ISCU: variants seen among roughly 807,000 people sequenced by gnomAD.
ISCU encodes the protein iron-sulfur cluster assembly enzyme ISCU.
ISCU carries 13 observed loss-of-function variants against 18.4 expected under a neutral mutation model. That is an observed-to-expected ratio of 0.71 (90% CI 0.46 to 1.12). The LOEUF (loss-of-function observed/expected upper bound fraction) is 1.12. Among genes scored for constraint, ISCU ranks in the 50% most tolerant of loss-of-function variants. The pLI, the probability that ISCU is intolerant of heterozygous loss-of-function variation, is 0.00. For synonymous variants in ISCU, 104 were observed against 87.5 expected (o/e 1.19, Z -1.06); for missense variants, 229 against 208.7 (o/e 1.10, Z -0.60).
chr12:108,562,609 C>G lies in ISCU; in HGVS notation c.-14C>G. 1 of 1,425,750 alleles carries G rather than the reference C, an allele frequency of 7.0e-7. No individual in the cohort carries two copies. 88.3% of individuals were successfully genotyped at this position (1,425,750 alleles called of 1,614,324 possible). The stretch of plus-strand genomic sequence containing the variant: ...CGGCGTCGCTCTGGACTGGCGCAGG[C>G]GCAAGCCGGCAAGATGGCGGCGGCT... On this transcript the variant is annotated 5_prime_UTR_variant, in exon 1 of 5. Transcript: ENST00000311893.
chr12:108,562,642 T>TGG lies in ISCU; in HGVS notation c.20_21insGG (p.Phe7LeufsTer4), dbSNP rs778352363. ...GGCAAGATGGCGGCGGCTGGGGCTT[T>TGG]CCGTCTGAGGCGGGCGGCATCGGCT... On this transcript the variant is annotated frameshift_variant, in exon 1 of 5. Transcript: ENST00000311893. LOFTEE classifies it high-confidence loss of function. 3.8e-5 allele frequency: 56 copies of TGG among 1,476,956 alleles called. No individual in the cohort carries two copies. The East Asian group carries it at 4.2e-4, about 11-fold the overall frequency. 91.5% of individuals were successfully genotyped at this position (1,476,956 alleles called of 1,614,324 possible).
Position 108,564,602 on chromosome 12 carries a change from C to T in ISCU, c.228+210C>T, listed in dbSNP as rs147292529. On this transcript the variant is annotated intron_variant, in intron 2 of 4. Transcript: ENST00000311893. ...CTCCTGCTAGGCTAGTGTACTATGC[C>T]AACTTTTTCCAAAATAGAAAAGTAA... Among the ~76,000 whole-genome samples the T allele has an allele frequency of 0.011, 1,708 of 152,298 alleles. 17 individuals carry two copies. The highest frequency in any genetic ancestry group is 0.034 in the Middle Eastern group (10 of 294).
intron 4 of ISCU, 147 bp from the exon 5 acceptor site, chr12:108,568,684 C>T (rs2031012591): frequency 1.3e-6 from 2 of 1,493,526 alleles, no homozygotes; most frequent in African/African-American, 1.4e-5. Context: ...GCTGACGTGC[C>T]CAGCAACTCC....
chr12:108,563,798 G>C (rs2030750253), intron 1 of ISCU: 1 of 443,674 alleles, frequency 2.3e-6, no homozygotes, highest in Non-Finnish European at 4.2e-6. Context: ...TATTTTAAAA[G>C]ACACATAAAC....
chr12:108,567,164 G>A (rs368464716), intron 3 of ISCU, 26 bp from the exon 4 acceptor site: 8 of 1,570,316 alleles, frequency 5.1e-6, no homozygotes, highest in Non-Finnish European at 7.0e-6. Context: ...TGCTAAAACT[G>A]CCCATCTTTC....
At position 108,569,026 on chromosome 12, in the gene ISCU, T is replaced by TA. The variant is rs2031031478; in HGVS notation, c.*111dup. The TA allele has an allele frequency of 2.4e-6, 2 of 838,148 alleles. No homozygotes were observed. Among genetic ancestry groups the TA allele is most frequent in the East Asian group, 2.6e-5 (1 of 37,824 alleles). 51.9% of individuals were successfully genotyped at this position (838,148 alleles called of 1,614,324 possible). A position where few individuals can be genotyped will look rare whatever the true frequency, so the allele number is the denominator to read the frequency against. ...TCCTCTCCACTGAAGAGCTATGAGA[T>TA]ACGCACAATACTTGCTGTTCACGTT... On this transcript the variant is annotated 3_prime_UTR_variant, in exon 5 of 5. Transcript: ENST00000311893.
rs745476091 is a variant in ISCU at position 108,564,323 on chromosome 12, C to T, written c.159C>T (p.Asp53=). 2.5e-6 allele frequency: 4 copies of T among 1,614,160 alleles called. No individual in the cohort carries two copies. The highest frequency in any genetic ancestry group is 3.4e-6 in the Non-Finnish European group (4 of 1,180,000). Residue 53 remains aspartate, a synonymous_variant, in exon 2 of 5, where the codon GAC becomes GAT. Transcript: ENST00000311893. ...YENPRNVGSL[D]KTSKNVGTGL... Reference sequence around the variant, plus strand: ...ATCCTAGAAACGTGGGGTCCCTTGACAAGACATCTAAAAATGTTGGAACTG... The same window carrying T: ...ATCCTAGAAACGTGGGGTCCCTTGATAAGACATCTAAAAATGTTGGAACTG...
Position 108,568,655 on chromosome 12 carries a change from C to G in ISCU, c.419-176C>G, listed in dbSNP as rs1054015358. On this transcript the variant is annotated intron_variant, in intron 4 of 4. Transcript: ENST00000311893. ...TCTCCAGGATCACCCGCAGGAGTAACTCAGCTCAGGAAGCAGCTGCTGACG... is the reference window on the plus strand; with the variant it reads ...TCTCCAGGATCACCCGCAGGAGTAAGTCAGCTCAGGAAGCAGCTGCTGACG... 38 of 1,461,698 alleles carry G rather than the reference C, an allele frequency of 2.6e-5. No individual in the cohort carries two copies. In the African/African-American group the frequency reaches 4.3e-4, roughly 16 times the overall value. 90.5% of individuals were successfully genotyped at this position (1,461,698 alleles called of 1,614,324 possible). A position where few individuals can be genotyped will look rare whatever the true frequency, so the allele number is the denominator to read the frequency against.
At position 108,569,132 on chromosome 12, in the gene ISCU, C is replaced by T; in HGVS notation, c.*216C>T. ...TTTCAGCCCACTTTTATCGCCTTAA[C>T]CTAGTTAATGTATATTTTGAATTGT... On this transcript the variant is annotated 3_prime_UTR_variant, in exon 5 of 5. Transcript: ENST00000311893. 1.7e-6 allele frequency: 1 copy of T among 574,140 alleles called. No homozygotes were observed. The highest frequency in any genetic ancestry group is 3.1e-6 in the Non-Finnish European group (1 of 321,390). 35.6% of individuals were successfully genotyped at this position (574,140 alleles called of 1,614,324 possible). A position where few individuals can be genotyped will look rare whatever the true frequency, so the allele number is the denominator to read the frequency against.
At position 108,567,285 on chromosome 12, in the gene ISCU, C is replaced by T. The variant is rs2030945540; in HGVS notation, c.418+17C>T. Reference sequence around the variant, plus strand: ...ACTGCTCCAGTAAGTCTCTGCTCTCCATACCAGTCAGCTGGGACATTTGGC... The same window carrying T: ...ACTGCTCCAGTAAGTCTCTGCTCTCTATACCAGTCAGCTGGGACATTTGGC... On this transcript the variant is annotated intron_variant, in intron 4 of 4. Transcript: ENST00000311893. The T allele has an allele frequency of 2.5e-6, 4 of 1,595,674 alleles. No individual in the cohort carries two copies. The highest frequency in any genetic ancestry group is 3.4e-6 in the Non-Finnish European group (4 of 1,163,242).
chr12:108,567,281 T>A lies in ISCU; in HGVS notation c.418+13T>A. On this transcript the variant is annotated intron_variant, in intron 4 of 4. Transcript: ENST00000311893. ...CTGCACTGCTCCAGTAAGTCTCTGC[T>A]CTCCATACCAGTCAGCTGGGACATT... The A allele has an allele frequency of 6.2e-7, 1 of 1,602,820 alleles. No homozygotes were observed. Among genetic ancestry groups the A allele is most frequent in the Non-Finnish European group, 8.5e-7 (1 of 1,169,776 alleles).
upstream of ISCU, chr12:108,561,492 G>A (rs2030559980): frequency 1.2e-5 from 3 of 253,506 alleles, no homozygotes; most frequent in Admixed American, 1.1e-4. Flanking sequence ...TCTTGAGAAG[G>A]TCAAAGTGAT....
upstream of ISCU, among the ~76,000 whole-genome samples, chr12:108,561,737 C>T (rs534647482): frequency 1.3e-5 from 2 of 152,282 alleles, no homozygotes; most frequent in East Asian, 1.9e-4. Context: ...ATACTGCAAA[C>T]CAACAGTAAA....
chr12:108,564,619 GA>G (rs558121157), intron 2 of ISCU, among the ~76,000 whole-genome samples: 25 of 152,210 alleles, frequency 1.6e-4, no homozygotes, highest in Non-Finnish European at 3.2e-4. Flanking sequence ...TTCCAAAATA[GA>G]AAAGTAATCT....
intron 4 of ISCU, 68 bp from the exon 5 acceptor site, chr12:108,568,763 G>C: frequency 6.4e-7 from 1 of 1,562,568 alleles, no homozygotes; most frequent in Non-Finnish European, 8.7e-7. Flanking sequence ...AGCTCTTAAA[G>C]ATTCTATTCC....
intron 4 of ISCU, chr12:108,568,105 T>C: frequency 4.4e-6 from 6 of 1,378,178 alleles, no homozygotes; most frequent in Non-Finnish European, 4.7e-6. Context: ...TTCTTTCCAC[T>C]TGATCTGGAA....
chr12:108,567,097 C>G (rs1339406032), intron 3 of ISCU, 93 bp from the exon 4 acceptor site: 3 of 910,012 alleles, frequency 3.3e-6, no homozygotes, highest in African/African-American at 1.6e-5. Context: ...CCCCACCAAC[C>G]CTGAGAGCCT....
chr12:108,562,634 TGGGGCTTTCCGTCTGAGGCGGGC>T lies in ISCU; in HGVS notation c.15_37del (p.Ala6IlefsTer28). 6.8e-7 allele frequency: 1 copy of T among 1,476,828 alleles called. No individual in the cohort carries two copies. Among genetic ancestry groups the T allele is most frequent in the Non-Finnish European group, 8.9e-7 (1 of 1,121,140 alleles). 91.5% of individuals were successfully genotyped at this position (1,476,828 alleles called of 1,614,324 possible). On this transcript the variant is annotated frameshift_variant, in exon 1 of 5. Coordinates refer to ENST00000311893, the MANE Select transcript of ISCU (RefSeq NM_213595.4). LOFTEE classifies it high-confidence loss of function. ...CGCAAGCCGGCAAGATGGCGGCGGC[TGGGGCTTTCCGTCTGAGGCGGGC>T]GGCATCGGCTCTGCTGCTGCGGAGC...
chr12:108,569,162 A>G lies in ISCU; in HGVS notation c.*246A>G. On this transcript the variant is annotated 3_prime_UTR_variant, in exon 5 of 5. Transcript: ENST00000311893. ...TTAATGTATATTTTGAATTGTGTGT[A>G]TGACCTCAGAACTGAAATTGATAAT... The G allele has an allele frequency of 1.9e-6, 1 of 517,920 alleles. No homozygotes were observed. The highest frequency in any genetic ancestry group is 3.5e-6 in the Non-Finnish European group (1 of 286,312). 32.1% of individuals were successfully genotyped at this position (517,920 alleles called of 1,614,324 possible).
Sources: allele counts gnomAD v4.1 joint callset (sites outside exome capture counted in the v4.1 genomes callset), GRCh38; gene constraint gnomAD v4.1.1; transcripts MANE v1.5; gene names NCBI Gene and HGNC (gene_info 2026-07-23, HGNC 2026-07-21).